The following RMDN2 variants were observed in gnomAD, a reference collection of about 807,000 sequenced individuals.
RMDN2 encodes the protein regulator of microtubule dynamics 2.
RMDN2 carries 61 observed loss-of-function variants against 52.8 expected under a neutral mutation model. That is an observed-to-expected ratio of 1.16 (90% confidence interval 0.94 to 1.43). RMDN2 has a LOEUF of 1.43. RMDN2 is among the 40% of genes most tolerant of loss of function. The pLI is 0.00. For missense variants in RMDN2, 592 were observed against 475.3 expected (o/e 1.25, Z -2.28); for synonymous variants, 180 against 153.1 (o/e 1.18, Z -1.30).
At chr2:38,034,273 G>C (rs1369797091) in intron 10 of RMDN2, among the ~76,000 whole-genome samples, 2 of 152,216 alleles carry the variant, frequency 1.3e-5, no homozygotes, top group Non-Finnish European at 2.9e-5. Flanking sequence ...ATGATGCAGA[G>C]AGGCTGGGCA....
chr2:38,013,029 G>C (rs912755591), intron 10 of RMDN2, among the ~76,000 whole-genome samples: 1 of 152,186 alleles, frequency 6.6e-6, no homozygotes, highest in African/African-American at 2.4e-5. Context: ...AGATTCAAAG[G>C]TGTAAGCAGC....
rs1246379137 is a variant in RMDN2, at chr2:38,031,502, A to G, written c.1713+27286A>G. On this transcript the variant is annotated intron_variant, in intron 10 of 10. Coordinates refer to the RMDN2 transcript ENST00000234195. ...TAATGCTGTGAATTTTCACTTCTAC[A>G]GAACTGTAATTTACATTTCATAAAG... Among the ~76,000 whole-genome samples, 3 of 152,030 alleles carry G rather than the reference A, an allele frequency of 2.0e-5. No homozygotes were observed. The East Asian group carries it at 5.8e-4, about 29-fold the overall frequency.
chr2:37,999,230 G>C (rs996349099), intron 8 of RMDN2, among the ~76,000 whole-genome samples: 3 of 152,234 alleles, frequency 2.0e-5, no homozygotes, highest in East Asian at 1.9e-4. Context: ...TTAAATCTCA[G>C]CTCTACCACT....
At chr2:38,035,096 C>A (rs1204063013) in intron 10 of RMDN2, among the ~76,000 whole-genome samples, 1 of 151,882 alleles carries the variant, frequency 6.6e-6, no homozygotes, top group Non-Finnish European at 1.5e-5. Context: ...GTGTGAAAAA[C>A]CTGAAAGAAC....
chr2:37,963,264 C>T (rs1177640208), intron 2 of RMDN2: 1 of 147,938 alleles, frequency 6.8e-6, no homozygotes, highest in Non-Finnish European at 1.5e-5. Flanking sequence ...TCTCCAGGTG[C>T]TTCTGTTACT....
At chr2:38,006,073 G>C (rs562590311) in intron 10 of RMDN2, among the ~76,000 whole-genome samples, 1 of 152,188 alleles carries the variant, frequency 6.6e-6, no homozygotes, top group South Asian at 2.1e-4. Flanking sequence ...TCTCTGTTTT[G>C]GTACCAGTAC....
intron 2 of RMDN2, among the ~76,000 whole-genome samples, chr2:37,947,234 C>T (rs1427196385): frequency 6.6e-6 from 1 of 152,094 alleles, no homozygotes; most frequent in East Asian, 1.9e-4. Flanking sequence ...TCTATTATTG[C>T]ATGCTCAATG....
chr2:37,954,237 C>T (rs1475715977), intron 2 of RMDN2, among the ~76,000 whole-genome samples: 2 of 151,922 alleles, frequency 1.3e-5, no homozygotes, highest in Non-Finnish European at 2.9e-5. Flanking sequence ...CTTTTATTGC[C>T]TATGCTTTTA....
intron 2 of RMDN2, among the ~76,000 whole-genome samples, chr2:37,964,703 A>G (rs554544408): frequency 1.3e-5 from 2 of 152,328 alleles, no homozygotes; most frequent in South Asian, 4.1e-4. Flanking sequence ...CTACAGGTTT[A>G]TAGGTCTATA....
At chr2:38,014,166 C>G (rs532903495) in intron 10 of RMDN2, among the ~76,000 whole-genome samples, 1 of 152,012 alleles carries the variant, frequency 6.6e-6, no homozygotes, top group Admixed American at 6.6e-5. Flanking sequence ...GAGCTGAGAT[C>G]GTGCCATTGC....
intron 2 of RMDN2, among the ~76,000 whole-genome samples, chr2:37,935,769 T>C (rs564018232): frequency 7.2e-4 from 108 of 150,536 alleles, no homozygotes; most frequent in African/African-American, 2.5e-3. Context: ...TTTTTTTGAG[T>C]TTTTTCCATA....
chr2:38,052,723 C>T (rs752709342), intron 10 of RMDN2, among the ~76,000 whole-genome samples: 58 of 152,292 alleles, frequency 3.8e-4, no homozygotes, highest in Admixed American at 1.9e-3. Context: ...TTTTTACTGC[C>T]ATCACCAGCA....
intron 10 of RMDN2, among the ~76,000 whole-genome samples, chr2:38,031,957 A>T (rs931576749): frequency 6.6e-6 from 1 of 152,188 alleles, no homozygotes; most frequent in Non-Finnish European, 1.5e-5. Flanking sequence ...GATTGTGCAC[A>T]ACAATGCCGC....
intron 7 of RMDN2, among the ~76,000 whole-genome samples, chr2:37,995,563 C>G (rs1235006048): frequency 6.6e-6 from 1 of 152,084 alleles, no homozygotes; most frequent in Non-Finnish European, 1.5e-5. Flanking sequence ...TTTCACCCAC[C>G]CCTTTTAGTA....
At chr2:37,989,021 T>G (rs1264480430) in intron 5 of RMDN2, among the ~76,000 whole-genome samples, 3 of 152,174 alleles carry the variant, frequency 2.0e-5, no homozygotes, top group Middle Eastern at 3.2e-3. Context: ...TTTGATTTTG[T>G]TTTAATCGTG....
chr2:37,970,483 G>T (rs1447136549), intron 2 of RMDN2, among the ~76,000 whole-genome samples: 3 of 151,974 alleles, frequency 2.0e-5, no homozygotes, highest in Non-Finnish European at 4.4e-5. Flanking sequence ...TGTAAGATTG[G>T]CCTATAATTT....
At chr2:38,038,544 G>C (rs1286127812) in intron 10 of RMDN2, among the ~76,000 whole-genome samples, 1 of 152,136 alleles carries the variant, frequency 6.6e-6, no homozygotes, top group Non-Finnish European at 1.5e-5. Flanking sequence ...AGCCAGCTGC[G>C]CCTGGAGCTA....
Position 37,968,438 on chromosome 2 carries a change from CAAA to C in RMDN2, c.453-5581_453-5579del, listed in dbSNP as rs71400332. 8.6e-4 allele frequency among the ~76,000 whole-genome samples: 77 copies of C among 89,134 alleles called. 1 individual carries two copies. The highest frequency in any genetic ancestry group is 2.4e-3 in the East Asian group (5 of 2,072). 58.5% of individuals were successfully genotyped at this position (89,134 alleles called of 152,430 possible). ...TGGGTGACAGAGCGAGACTCTGTCT[CAAA>C]AAAAAAAAAAAAAAAAAAAAGAAAG... On this transcript the variant is annotated intron_variant, in intron 2 of 10. Transcript: ENST00000354545.
intron 10 of RMDN2, among the ~76,000 whole-genome samples, chr2:38,009,846 C>T (rs928502493): frequency 3.3e-5 from 5 of 152,066 alleles, no homozygotes; most frequent in Non-Finnish European, 5.9e-5. Flanking sequence ...TGGTTTTTTT[C>T]TACCTTTGGT....
Sources: allele counts gnomAD v4.1 joint callset (sites outside exome capture counted in the v4.1 genomes callset), GRCh38; gene constraint gnomAD v4.1.1; transcripts MANE v1.5; gene names NCBI Gene and HGNC (gene_info 2026-07-23, HGNC 2026-07-21).